The following PLG variants were observed in gnomAD, a reference collection of about 807,000 sequenced individuals.
PLG encodes plasmin.
A neutral mutation model predicts 104.4 loss-of-function variants in PLG; 41 were observed. That is an observed-to-expected ratio of 0.39 (90% CI 0.31 to 0.51). The LOEUF (loss-of-function observed/expected upper bound fraction) is 0.51. Among genes scored for constraint, PLG ranks in the 20% least tolerant of loss-of-function variants. PLG has a pLI of 0.76. For missense variants in PLG, 891 were observed against 1,003.6 expected (o/e 0.89, Z 1.52); for synonymous variants, 337 against 357.1 (o/e 0.94, Z 0.63).
chr6:160,714,717 T>C, intron 5 of PLG, 77 bp from the exon 6 acceptor site: 1 of 1,439,464 alleles, frequency 6.9e-7, no homozygotes, highest in African/African-American at 1.4e-5. Context: ...AGTAGGATTC[T>C]GGTTTTTACT....
Position 160,718,792 on chromosome 6 carries a change from G to A in PLG, c.1050G>A (p.Pro350=), listed in dbSNP as rs775045516. ...SQVRWEYCKI[P]SCDSSPVSTE... ...TGCGGTGGGAGTACTGTAAGATACCGTCCTGTGACTCCTCCCCAGTATCCA... is the reference window on the plus strand; with the variant it reads ...TGCGGTGGGAGTACTGTAAGATACCATCCTGTGACTCCTCCCCAGTATCCA... Residue 350 remains proline (P), a synonymous_variant, in exon 9 of 19, where the codon CCG becomes CCA. Coordinates refer to ENST00000308192, the MANE Select transcript of PLG (RefSeq NM_000301.5). The A allele has an allele frequency of 7.4e-6, 12 of 1,613,618 alleles. No individual in the cohort carries two copies. Among genetic ancestry groups the A allele is most frequent in the Admixed American group, 5.0e-5 (3 of 59,998 alleles).
chr6:160,749,415 T>A (rs1045908270), intron 17 of PLG, among the ~76,000 whole-genome samples: 3 of 139,712 alleles, frequency 2.1e-5, no homozygotes, highest in African/African-American at 8.1e-5. Context: ...TCATCATCAC[T>A]ACCACTACCA....
rs1778088214 is a variant in PLG at position 160,736,785 on chromosome 6, C to T, written c.1682-102C>T. The T allele has an allele frequency of 2.0e-6, 3 of 1,479,618 alleles. No homozygotes were observed. In the Admixed American group the frequency reaches 5.1e-5, roughly 25 times the overall value. The allele number at this position is 1,479,618 out of a possible 1,614,324, so 91.7% of individuals were successfully genotyped here. ...TGATGATTTTACTATTTAGTTCGGC[C>T]TTTAAGATGTCAAAAACTCAGTGCT... is the stretch of plus-strand genomic sequence containing the variant. On this transcript the variant is annotated intron_variant, in intron 13 of 18. Coordinates refer to ENST00000308192, the MANE Select transcript of PLG (RefSeq NM_000301.5). This position sits in a 1 kb window ranked among gnomAD's most constrained non-coding sequence, Gnocchi z 5.2.
chr6:160,748,296 C>T (rs1457413762), intron 17 of PLG, among the ~76,000 whole-genome samples: 3 of 141,140 alleles, frequency 2.1e-5, no homozygotes, highest in East Asian at 2.0e-4. Context: ...CAGAGTGAGA[C>T]TCTATGTGAG....
chr6:160,718,817 A>G lies in PLG; in HGVS notation c.1075A>G (p.Thr359Ala), dbSNP rs201973253. 2 of 1,613,928 alleles carry G rather than the reference A, an allele frequency of 1.2e-6. No homozygotes were observed. The highest frequency in any genetic ancestry group is 1.7e-5 in the Admixed American group (1 of 60,018). Reference protein sequence around the residue: ...IPSCDSSPVSTEQLAPTAPPE... With the variant: ...IPSCDSSPVSAEQLAPTAPPE... ...GTCCTGTGACTCCTCCCCAGTATCC[A>G]CGGAACAATTGGCTCCCACAGGTAA... Residue 359 changes from threonine to alanine, a missense_variant, in exon 9 of 19, where the codon ACG (threonine) becomes GCG (alanine). Transcript: ENST00000308192.
intron 17 of PLG, among the ~76,000 whole-genome samples, chr6:160,748,401 G>GAAAGAAAGA (rs1562383473): frequency 0.016 from 1,154 of 71,064 alleles, 106 homozygotes; most frequent in Non-Finnish European, 0.018. Flanking sequence ...AGAAAGAAAG[G>GAAAGAAAGA]AAGAAAGAAA....
intron 1 of PLG, among the ~76,000 whole-genome samples, chr6:160,703,047 T>C (rs1037012984): frequency 5.3e-5 from 8 of 151,922 alleles, no homozygotes; most frequent in African/African-American, 1.9e-4. Flanking sequence ...TAGCTCGTGG[T>C]ATAGGTAGGG....
chr6:160,702,892 G>A (rs1468832624), intron 1 of PLG, among the ~76,000 whole-genome samples: 6 of 152,110 alleles, frequency 3.9e-5, no homozygotes, highest in South Asian at 2.1e-4. Flanking sequence ...AAAATCACAC[G>A]CATCCATTTG....
chr6:160,716,126 C>T (rs1229241646), intron 6 of PLG, among the ~76,000 whole-genome samples: 1 of 152,230 alleles, frequency 6.6e-6, no homozygotes, highest in African/African-American at 2.4e-5. Context: ...ATGCACATTT[C>T]TTGGCTCTGT....
intron 17 of PLG, among the ~76,000 whole-genome samples, chr6:160,750,248 A>G (rs1167797433): frequency 6.6e-6 from 1 of 152,114 alleles, no homozygotes. Flanking sequence ...CACTGAGCTG[A>G]TCCTGCTGCT....
In PLG at chr6:160,726,671, T is replaced by C. The variant is rs1287878960; in HGVS notation, c.1256+4104T>C. 1.3e-5 allele frequency among the ~76,000 whole-genome samples: 2 copies of C among 152,042 alleles called. No homozygotes were observed. The highest frequency in any genetic ancestry group is 1.5e-5 in the Non-Finnish European group (1 of 67,878). The stretch of plus-strand genomic sequence containing the variant: ...AGTTTTCCAGAGGCTACATAATGTT[T>C]GATCACATTATCTCTCTGATGGCTA... On this transcript the variant is annotated intron_variant, in intron 10 of 18. Coordinates refer to ENST00000308192, the MANE Select transcript of PLG (RefSeq NM_000301.5). The surrounding 1 kb of genome is among the most constrained non-coding windows in gnomAD (Gnocchi z 4.4).
intron 17 of PLG, among the ~76,000 whole-genome samples, chr6:160,745,915 T>C (rs1422106735): frequency 6.6e-6 from 1 of 152,218 alleles, no homozygotes; most frequent in Non-Finnish European, 1.5e-5. Flanking sequence ...GGATATGAAA[T>C]TCTTGGGTGG....
In PLG at chr6:160,722,572, G is replaced by A; in HGVS notation, c.1256+5G>A. ...CCCAGAAAACTACCCAAATGCGTAT[G>A]TCTTTGATTTTTACTGTAAGAGGGG... On this transcript the variant is annotated splice_donor_5th_base_variant and intron_variant, in intron 10 of 18. Coordinates refer to ENST00000308192, the MANE Select transcript of PLG (RefSeq NM_000301.5). The A allele has an allele frequency of 6.2e-7, 1 of 1,613,198 alleles. No homozygotes were observed. Among genetic ancestry groups the A allele is most frequent in the African/African-American group, 1.3e-5 (1 of 74,970 alleles).
intron 1 of PLG, 106 bp downstream of exon 1, chr6:160,702,459 T>G: frequency 7.4e-7 from 1 of 1,349,382 alleles, no homozygotes; most frequent in Non-Finnish European, 1.0e-6. Flanking sequence ...TTTTGATTCA[T>G]GAAACTTCCA....
Position 160,704,800 on chromosome 6 carries a change from C to T in PLG, c.50-1607C>T, listed in dbSNP as rs373743712. 6.6e-5 allele frequency among the ~76,000 whole-genome samples: 10 copies of T among 152,312 alleles called. 1 individual carries two copies. The highest frequency in any genetic ancestry group is 2.2e-4 in the African/African-American group (9 of 41,570). ...CTTTGGCCGAGGACTTTGCATGAAT[C>T]GATGAGCATGCATCCACCTCCCTGT... On this transcript the variant is annotated intron_variant, in intron 1 of 18. Coordinates refer to ENST00000308192, the MANE Select transcript of PLG (RefSeq NM_000301.5).
At chr6:160,703,537 T>C (rs750800122) in intron 1 of PLG, among the ~76,000 whole-genome samples, 1 of 152,252 alleles carries the variant, frequency 6.6e-6, no homozygotes, top group East Asian at 1.9e-4. Flanking sequence ...TTGCTAGTAG[T>C]TCTTCATGTA....
rs201729809 is a variant in PLG at position 160,745,136 on chromosome 6, GGAAA to G, written c.2125+3722_2125+3725del. 1.3e-3 allele frequency among the ~76,000 whole-genome samples: 191 copies of G among 152,258 alleles called. 1 individual carries two copies. The highest frequency in any genetic ancestry group is 8.8e-3 in the Admixed American group (134 of 15,294). On this transcript the variant is annotated intron_variant, in intron 17 of 18. Coordinates refer to ENST00000308192, the MANE Select transcript of PLG (RefSeq NM_000301.5). ...TGAAAATGTACATTCAGTTGTTTTG[GGAAA>G]GAGAGTTGTGTAGAGGTCTATCAGA...
Position 160,736,138 on chromosome 6 carries a change from C to T in PLG, c.1682-749C>T, listed in dbSNP as rs4252141. Among the ~76,000 whole-genome samples the T allele has an allele frequency of 0.014, 2,171 of 152,260 alleles. 53 individuals are homozygous for T. Among genetic ancestry groups the T allele is most frequent in the African/African-American group, 0.049 (2,031 of 41,532 alleles). ...AGCATTTTTGAATACCCTCTGCAGC[C>T]CCTGCACTGTTGTAGGCATTGGTGG... On this transcript the variant is annotated intron_variant, in intron 13 of 18. Transcript: ENST00000308192. This position sits in a 1 kb window ranked among gnomAD's most constrained non-coding sequence, Gnocchi z 5.2.
chr6:160,722,146 A>G (rs976075791), intron 9 of PLG, among the ~76,000 whole-genome samples: 1 of 152,154 alleles, frequency 6.6e-6, no homozygotes, highest in African/African-American at 2.4e-5. Context: ...GACCCATAAA[A>G]AAGAGCTTGC....
Sources: allele counts gnomAD v4.1 joint callset (sites outside exome capture counted in the v4.1 genomes callset), GRCh38; gene constraint gnomAD v4.1.1; non-coding constraint Gnocchi (gnomAD v3.1); transcripts MANE v1.5; gene names NCBI Gene and HGNC (gene_info 2026-07-23, HGNC 2026-07-21).